Variants in PTPRD observed in about 807,000 individuals in gnomAD.
PTPRD encodes the protein protein tyrosine phosphatase receptor type D, also known as receptor-type tyrosine-protein phosphatase delta.
In PTPRD, 34 loss-of-function variants were observed where a neutral mutation model predicts 214.5. The ratio of observed to expected loss-of-function variants is 0.16; its 90% confidence interval spans 0.12 to 0.21. The LOEUF is 0.21. Among genes scored for constraint, PTPRD ranks in the 10% least tolerant of loss-of-function variants. PTPRD has a pLI of 1.00. For missense variants in PTPRD, 2,545 were observed against 2,398.7 expected, an observed-to-expected ratio of 1.06 and a Z score of -1.27; for synonymous variants, 1,128 against 845.7, an observed-to-expected ratio of 1.33 and a Z score of -5.79.
chr9:9,946,867 A>C (rs534142938), intron 4 of PTPRD, among the ~76,000 whole-genome samples: 50 of 152,104 alleles, frequency 3.3e-4, no homozygotes, highest in Non-Finnish European at 6.5e-4. Context: ...GCTTTAATTG[A>C]AGTGCAATAT....
Position 9,567,716 on chromosome 9 carries a change from C to A in PTPRD, c.-237+7016G>T, listed in dbSNP as rs1440693445. 2.0e-5 allele frequency among the ~76,000 whole-genome samples: 3 copies of A among 152,068 alleles called. No homozygotes were observed. In the South Asian group the frequency reaches 6.2e-4, roughly 32 times the overall value. On this transcript the variant is annotated intron_variant, in intron 8 of 45. Transcript: ENST00000381196. The stretch of plus-strand genomic sequence containing the variant: ...TCTTAAGGGAACTTGAATTTTTTAT[C>A]CCCCTCCATGCTTCTCTATGCAGCC...
intron 3 of PTPRD, among the ~76,000 whole-genome samples, chr9:10,182,182 C>A (rs1385291987): frequency 7.2e-6 from 1 of 139,158 alleles, no homozygotes; most frequent in Non-Finnish European, 1.5e-5. Flanking sequence ...ATCGCTTGAA[C>A]TAGGGAGGCA....
chr9:10,479,012 T>A (rs1589096142), intron 2 of PTPRD, among the ~76,000 whole-genome samples: 1 of 152,176 alleles, frequency 6.6e-6, no homozygotes, highest in East Asian at 1.9e-4. Flanking sequence ...TCAAAAACGA[T>A]GAAAACTTTT....
chr9:10,335,863 G>A (rs1377771806), intron 3 of PTPRD, among the ~76,000 whole-genome samples: 1 of 151,674 alleles, frequency 6.6e-6, no homozygotes, highest in Non-Finnish European at 1.5e-5. Context: ...TGTCATCAGG[G>A]AAAAGCAACT....
chr9:9,351,387 T>G (rs560314291), intron 9 of PTPRD, among the ~76,000 whole-genome samples: 7 of 152,148 alleles, frequency 4.6e-5, no homozygotes, highest in Non-Finnish European at 1.0e-4. Flanking sequence ...TTATTGAGCT[T>G]GTCTAGAAGG....
At chr9:8,490,719 C>T (rs2097132630) in intron 27 of PTPRD, among the ~76,000 whole-genome samples, 1 of 152,090 alleles carries the variant, frequency 6.6e-6, no homozygotes, top group Admixed American at 6.5e-5. Context: ...TCTTCAGAAG[C>T]ATCCTTGAGG....
chr9:8,431,590 A>G (rs1434860867), intron 35 of PTPRD, among the ~76,000 whole-genome samples: 5 of 152,216 alleles, frequency 3.3e-5, no homozygotes, highest in African/African-American at 1.2e-4. Flanking sequence ...ACTAGTCTAT[A>G]TGCTATCTCA....
intron 3 of PTPRD, among the ~76,000 whole-genome samples, chr9:10,166,455 A>G (rs1239356268): frequency 6.6e-6 from 1 of 151,906 alleles, no homozygotes; most frequent in African/African-American, 2.4e-5. Context: ...GTTCATTAAT[A>G]GTTTTATTAA....
chr9:10,505,353 G>C (rs773664190), intron 2 of PTPRD, among the ~76,000 whole-genome samples: 1 of 152,148 alleles, frequency 6.6e-6, no homozygotes, highest in African/African-American at 2.4e-5. Context: ...ACATATTGTA[G>C]TTTTCATGAA....
intron 5 of PTPRD, among the ~76,000 whole-genome samples, chr9:9,839,224 A>T (rs990026250): frequency 1.3e-5 from 2 of 152,138 alleles, no homozygotes; most frequent in African/African-American, 4.8e-5. Context: ...GGAGAAGGAA[A>T]TACAGGGTAT....
intron 28 of PTPRD, 118 bp from the exon 29 acceptor site, chr9:8,485,442 G>C (rs2096979596): frequency 2.8e-6 from 2 of 709,448 alleles, no homozygotes; most frequent in Non-Finnish European, 4.7e-6. Flanking sequence ...AGAGAGAGAA[G>C]TATGATTTTC....
At chr9:10,403,802 G>A (rs1247224169) in intron 2 of PTPRD, among the ~76,000 whole-genome samples, 1 of 151,728 alleles carries the variant, frequency 6.6e-6, no homozygotes, top group African/African-American at 2.4e-5. Context: ...AGGCGAAACT[G>A]TGGAGACAGT....
chr9:9,084,851 AT>A (rs2154426562), intron 10 of PTPRD, among the ~76,000 whole-genome samples: 1 of 152,264 alleles, frequency 6.6e-6, no homozygotes, highest in African/African-American at 2.4e-5. Flanking sequence ...ATTTATCAAA[AT>A]ATCAACATTT....
In PTPRD at chr9:10,260,784, C is replaced by T. The variant is rs561473432; in HGVS notation, c.-545+80179G>A. 4.2e-4 allele frequency among the ~76,000 whole-genome samples: 64 copies of T among 152,064 alleles called. 1 individual carries two copies. In the South Asian group the frequency reaches 4.4e-3, roughly 10 times the overall value. On this transcript the variant is annotated intron_variant, in intron 3 of 45. Coordinates refer to ENST00000381196, the MANE Select transcript of PTPRD (RefSeq NM_002839.4). Reference sequence around the variant, plus strand: ...GATTGTACTTACACTTGTAAATTTCCTTTTAGGGCAACATTGTTCTGCACA... The same window carrying T: ...GATTGTACTTACACTTGTAAATTTCTTTTTAGGGCAACATTGTTCTGCACA...
intron 7 of PTPRD, among the ~76,000 whole-genome samples, chr9:9,595,752 A>C (rs182347181): frequency 6.6e-6 from 1 of 152,054 alleles, no homozygotes; most frequent in Non-Finnish European, 1.5e-5. Flanking sequence ...ATGATGATGC[A>C]AAGACATAAG....
At position 8,316,529 on chromosome 9, in the gene PTPRD, A is replaced by AAAC. The variant is rs1473707164; in HGVS notation, c.*1342_*1344dup. 24 of 230,618 alleles carry AAAC rather than the reference A, an allele frequency of 1.0e-4. No individual in the cohort carries two copies. The highest frequency in any genetic ancestry group is 1.9e-4 in the Non-Finnish European group (22 of 116,174). The allele number at this position is 230,618 out of a possible 1,614,324, so 14.3% of individuals were successfully genotyped here. ...ATATACGATTGAATACACTTTTTTTAAACAACTCGATAGCTGATATATTAC... is the reference window on the plus strand; with the variant it reads ...ATATACGATTGAATACACTTTTTTTAAACAACAACTCGATAGCTGATATATTAC... On this transcript the variant is annotated 3_prime_UTR_variant, in exon 46 of 46. Coordinates refer to ENST00000381196, the MANE Select transcript of PTPRD (RefSeq NM_002839.4).
At chr9:9,585,815 C>A (rs1264202574) in intron 7 of PTPRD, among the ~76,000 whole-genome samples, 1 of 151,896 alleles carries the variant, frequency 6.6e-6, no homozygotes, top group Non-Finnish European at 1.5e-5. Flanking sequence ...GCCAGAGACT[C>A]AAAGGTAGGT....
chr9:8,341,583 C>G, intron 40 of PTPRD, 110 bp downstream of exon 40: 1 of 1,268,330 alleles, frequency 7.9e-7, no homozygotes, highest in Non-Finnish European at 1.1e-6. Context: ...AGGGAAAGGT[C>G]AAATGAATCT....
rs547756835 is a variant in PTPRD at position 9,845,823 on chromosome 9, T to C, written c.-367-78972A>G. On this transcript the variant is annotated intron_variant, in intron 5 of 45. Transcript: ENST00000381196. ...CTCAGTATGCAAACCTGGCAATAGC[T>C]AGCAGAAGGCTGCAATTAAATAGCT... Among the ~76,000 whole-genome samples the C allele has an allele frequency of 2.5e-4, 38 of 152,188 alleles. No individual in the cohort carries two copies. The South Asian group carries it at 7.9e-3, about 32-fold the overall frequency.
Sources: allele counts gnomAD v4.1 joint callset (sites outside exome capture counted in the v4.1 genomes callset), GRCh38; gene constraint gnomAD v4.1.1; transcripts MANE v1.5; gene names NCBI Gene and HGNC (gene_info 2026-07-23, HGNC 2026-07-21).